ZC3H18: variants seen among roughly 807,000 people sequenced by gnomAD.
The protein encoded by ZC3H18 is zinc finger CCCH-type containing 18, also known as zinc finger CCCH domain-containing protein 18.
Under a neutral mutation model 106.1 loss-of-function variants are expected in ZC3H18, and 8 were observed. The ratio of observed to expected loss-of-function variants is 0.08; its 90% confidence interval spans 0.04 to 0.14. The LOEUF is 0.14. Among genes scored for constraint, ZC3H18 ranks in the 10% least tolerant of loss-of-function variants. The probability of loss-of-function intolerance (pLI) is 1.00; values close to 1 mark genes in which losing one functional copy is unlikely to be tolerated. For missense variants in ZC3H18, 1,318 were observed against 1,278.4 expected (o/e 1.03, Z -0.47); for synonymous variants, 635 against 522.1 (o/e 1.22, Z -2.95).
At chr16:88,605,132 A>G (rs2142718306) in intron 6 of ZC3H18, among the ~76,000 whole-genome samples, 1 of 152,342 alleles carries the variant, frequency 6.6e-6, no homozygotes, top group East Asian at 1.9e-4. Context: ...CTTAACTGAG[A>G]GAGCACAAGT....
At chr16:88,602,117 C>T (rs1904780096) in intron 6 of ZC3H18, among the ~76,000 whole-genome samples, 1 of 152,200 alleles carries the variant, frequency 6.6e-6, no homozygotes, top group South Asian at 2.1e-4. Context: ...AGGAGTGGGT[C>T]CTCTTGTCAC....
chr16:88,587,943 G>A (rs548425004), intron 3 of ZC3H18, among the ~76,000 whole-genome samples: 1 of 152,304 alleles, frequency 6.6e-6, no homozygotes, highest in Admixed American at 6.5e-5. Flanking sequence ...GCTCCTGTGG[G>A]TGTGTGCTTG....
At chr16:88,596,834 G>A (rs1484052628) in intron 3 of ZC3H18, among the ~76,000 whole-genome samples, 1 of 152,218 alleles carries the variant, frequency 6.6e-6, no homozygotes, top group Non-Finnish European at 1.5e-5. Flanking sequence ...GTCTCAGATG[G>A]ATGACTGCAT....
At chr16:88,603,699 T>C (rs1248172402) in intron 6 of ZC3H18, among the ~76,000 whole-genome samples, 1 of 149,278 alleles carries the variant, frequency 6.7e-6, no homozygotes, top group Non-Finnish European at 1.5e-5. Flanking sequence ...CTGGGCTCAC[T>C]GCAAGCTCTG....
intron 3 of ZC3H18, among the ~76,000 whole-genome samples, chr16:88,588,174 C>T (rs1407158700): frequency 6.6e-6 from 1 of 152,160 alleles, no homozygotes; most frequent in East Asian, 1.9e-4. Context: ...ACCTCTTTTC[C>T]ATAATAGTGT....
intron 2 of ZC3H18, among the ~76,000 whole-genome samples, chr16:88,583,481 C>A (rs1292225584): frequency 1.3e-5 from 2 of 152,364 alleles, no homozygotes; most frequent in South Asian, 4.1e-4. Flanking sequence ...CTTTGCAGAT[C>A]AGGTGACTTT....
intron 3 of ZC3H18, among the ~76,000 whole-genome samples, chr16:88,588,348 G>A (rs1017139324): frequency 1.1e-4 from 17 of 152,226 alleles, no homozygotes; most frequent in African/African-American, 3.9e-4. Context: ...TGACCGGCCA[G>A]TCGGCGTTGG....
chr16:88,630,534 G>C lies in ZC3H18; in HGVS notation c.2616G>C (p.Glu872Asp). 1 of 1,612,902 alleles carries C rather than the reference G, an allele frequency of 6.2e-7. No homozygotes were observed. The highest frequency in any genetic ancestry group is 8.5e-7 in the Non-Finnish European group (1 of 1,179,848). ...GGAGACTGGGCTCCCCGAAGCCAGAGCGGCAGAGAGGCCAGAACTCCAAAG... is the reference window on the plus strand; with the variant it reads ...GGAGACTGGGCTCCCCGAAGCCAGACCGGCAGAGAGGCCAGAACTCCAAAG... ...SGGRLGSPKP[E>D]RQRGQNSKAP... Residue 872 changes from glutamate to aspartate, a missense_variant, in exon 17 of 18, where the codon GAG becomes GAC. By Grantham distance (45) the Glu-to-Asp change is conservative. Transcript: ENST00000301011.
At chr16:88,589,077 A>G (rs951784664) in intron 3 of ZC3H18, among the ~76,000 whole-genome samples, 4 of 152,182 alleles carry the variant, frequency 2.6e-5, no homozygotes, top group Non-Finnish European at 5.9e-5. Flanking sequence ...TTGGACTTAA[A>G]TGTTTCTGCC....
chr16:88,629,595 C>CA (rs1597363661), intron 16 of ZC3H18, among the ~76,000 whole-genome samples: 1 of 152,348 alleles, frequency 6.6e-6, no homozygotes, highest in East Asian at 1.9e-4. Context: ...GCTGGACCCA[C>CA]ATGCCTCGTG....
rs56406234 is a variant in ZC3H18 at position 88,580,156 on chromosome 16, C to CTGTGTG, written c.603+2478_603+2483dup. Among the ~76,000 whole-genome samples the CTGTGTG allele has an allele frequency of 3.6e-3, 457 of 126,846 alleles. 3 individuals carry two copies. The highest frequency in any genetic ancestry group is 6.3e-3 in the East Asian group (27 of 4,292). 83.2% of individuals were successfully genotyped at this position (126,846 alleles called of 152,430 possible). A position where few individuals can be genotyped will look rare whatever the true frequency, so the allele number is the denominator to read the frequency against. ...CCTCTCTGTCGTGACACAGGTTCAT[C>CTGTGTG]TGTGTGTGTGTGTGTGTGTGTGTGT... is the stretch of plus-strand genomic sequence containing the variant. On this transcript the variant is annotated intron_variant, in intron 2 of 17. Transcript: ENST00000301011.
At chr16:88,570,647 C>CG (rs1205394422) in intron 1 of ZC3H18, 81 bp downstream of exon 1, 1 of 150,408 alleles carries the variant, frequency 6.6e-6, no homozygotes, top group Non-Finnish European at 1.5e-5. Context: ...CGGCGGCGGC[C>CG]GCGGGAGGGA....
In ZC3H18 at chr16:88,599,847, G is replaced by A; in HGVS notation, c.987G>A (p.Arg329=). Residue 329 remains arginine, a synonymous_variant, in exon 6 of 18, where the codon AGG becomes AGA. Coordinates refer to ENST00000301011, the MANE Select transcript of ZC3H18 (RefSeq NM_144604.4). ...AGGAGCCTGATTTTGAAGAGAAAAGGTTTACGGTGACCATTGGCGAAGACG... is the reference window on the plus strand; with the variant it reads ...AGGAGCCTGATTTTGAAGAGAAAAGATTTACGGTGACCATTGGCGAAGACG... ...KEQEPDFEEK[R]FTVTIGEDER... 1 of 1,614,166 alleles carries A rather than the reference G, an allele frequency of 6.2e-7. No individual in the cohort carries two copies. Among genetic ancestry groups the A allele is most frequent in the Non-Finnish European group, 8.5e-7 (1 of 1,180,036 alleles).
In ZC3H18 at chr16:88,598,632, G is replaced by A. The variant is rs778365233; in HGVS notation, c.850G>A (p.Val284Ile). The stretch of plus-strand genomic sequence containing the variant: ...CGTTTTTCAATAGGGTGGGCCGGTA[G>A]TTGATGAAATTTTGCCTCCACCCCC... ...MPANPWGGPV[V>I]DEILPPPPPE... Residue 284 changes from valine to isoleucine, a missense_variant, in exon 5 of 18, where the codon GTT becomes ATT. Coordinates refer to ENST00000301011, the MANE Select transcript of ZC3H18 (RefSeq NM_144604.4). The A allele has an allele frequency of 1.8e-5, 29 of 1,610,884 alleles. No individual in the cohort carries two copies. The highest frequency in any genetic ancestry group is 2.2e-5 in the Non-Finnish European group (26 of 1,178,362).
chr16:88,602,615 T>C (rs1307014131), intron 6 of ZC3H18, among the ~76,000 whole-genome samples: 1 of 152,226 alleles, frequency 6.6e-6, no homozygotes, highest in Non-Finnish European at 1.5e-5. Flanking sequence ...CCATTGATTG[T>C]AAGTAATTCC....
intron 3 of ZC3H18, among the ~76,000 whole-genome samples, chr16:88,597,098 T>G (rs895489879): frequency 6.6e-6 from 1 of 152,102 alleles, no homozygotes; most frequent in East Asian, 1.9e-4. Context: ...TTTTTTGTAT[T>G]TTTTAGTAGA....
intron 2 of ZC3H18, among the ~76,000 whole-genome samples, chr16:88,579,478 C>T (rs138608192): frequency 6.6e-6 from 1 of 152,234 alleles, no homozygotes; most frequent in Non-Finnish European, 1.5e-5. Context: ...ATCAAGGGTC[C>T]CCATAGTGGT....
At chr16:88,598,981 C>T (rs969568918) in intron 5 of ZC3H18, among the ~76,000 whole-genome samples, 1 of 152,224 alleles carries the variant, frequency 6.6e-6, no homozygotes, top group African/African-American at 2.4e-5. Flanking sequence ...TGCTCGGCCT[C>T]CCAAGTAGCT....
intron 17 of ZC3H18, 136 bp from the exon 18 acceptor site, chr16:88,630,965 C>A: frequency 9.1e-7 from 1 of 1,100,168 alleles, no homozygotes; most frequent in Non-Finnish European, 1.3e-6. Context: ...GCAGTGGGAG[C>A]CTGGCCATCC....
Sources: allele counts gnomAD v4.1 joint callset (sites outside exome capture counted in the v4.1 genomes callset), GRCh38; gene constraint gnomAD v4.1.1; transcripts MANE v1.5; gene names NCBI Gene and HGNC (gene_info 2026-07-23, HGNC 2026-07-21).